The following SYNE2 variants were observed in gnomAD, a reference collection of about 807,000 sequenced individuals.
SYNE2 encodes nesprin-2.
In SYNE2, 431 loss-of-function variants were observed where a neutral mutation model predicts 856.3. The observed-to-expected ratio is 0.50, with a 90% CI of 0.47 to 0.55. The LOEUF (loss-of-function observed/expected upper bound fraction) is 0.55, where lower values mean the gene tolerates loss of function less well. Among genes scored for constraint, SYNE2 ranks in the 20% least tolerant of loss-of-function variants. The pLI, the probability that SYNE2 is intolerant of heterozygous loss-of-function variation, is 0.00. For synonymous variants in SYNE2, 2,923 were observed against 2,872.3 expected (o/e 1.02, Z -0.56); for missense variants, 8,129 against 8,023.2 (o/e 1.01, Z -0.50).
At chr14:64,219,448 T>C (rs753307469) in intron 110 of SYNE2, 38 bp downstream of exon 110, 2 of 1,602,564 alleles carry the variant, frequency 1.2e-6, no homozygotes, top group Non-Finnish European at 1.7e-6. Context: ...GGATTCAGAA[T>C]GTGCATGTGA....
At chr14:63,806,979 TG>T (rs1442802125) in intron 1 of SYNE2, among the ~76,000 whole-genome samples, 4 of 152,034 alleles carry the variant, frequency 2.6e-5, no homozygotes, top group African/African-American at 9.7e-5. Flanking sequence ...CCCCTCAAAC[TG>T]CTAGGATTAC....
At chr14:63,796,468 T>C (rs1283147397) in intron 1 of SYNE2, among the ~76,000 whole-genome samples, 2 of 151,078 alleles carry the variant, frequency 1.3e-5, no homozygotes, top group Non-Finnish European at 3.0e-5. Flanking sequence ...AAAAAAATTT[T>C]TGTTTTGATG....
At chr14:64,015,000 AATAT>A (rs1328895277) in intron 32 of SYNE2, among the ~76,000 whole-genome samples, 64 of 121,760 alleles carry the variant, frequency 5.3e-4, no homozygotes, top group South Asian at 1.8e-3. Flanking sequence ...CACATATATA[AATAT>A]ATATATGTGT....
At chr14:64,198,116 C>T (rs1312732990) in intron 99 of SYNE2, among the ~76,000 whole-genome samples, 1 of 152,048 alleles carries the variant, frequency 6.6e-6, no homozygotes, top group African/African-American at 2.4e-5. Flanking sequence ...CTGCTTTTTC[C>T]TGGAGAAAGG....
chr14:64,168,352 C>T (rs1012819485), intron 92 of SYNE2, among the ~76,000 whole-genome samples: 1 of 152,172 alleles, frequency 6.6e-6, no homozygotes, highest in Non-Finnish European at 1.5e-5. Context: ...ATCCGCCTGC[C>T]TCGGCCTCCC....
At chr14:64,208,623 A>C in intron 100 of SYNE2, 135 bp from the exon 101 acceptor site, 2 of 881,906 alleles carry the variant, frequency 2.3e-6, no homozygotes, top group South Asian at 2.8e-5. Flanking sequence ...TGTACTGCCA[A>C]GTTCATGGTG....
intron 98 of SYNE2, chr14:64,189,140 C>G (rs961580547): frequency 1.7e-6 from 1 of 601,208 alleles, no homozygotes; most frequent in African/African-American, 1.9e-5. Context: ...TCAAGACCAG[C>G]CTGGCTGACA....
chr14:64,155,197 A>C (rs143797482), intron 85 of SYNE2, among the ~76,000 whole-genome samples: 23 of 152,354 alleles, frequency 1.5e-4, no homozygotes, highest in African/African-American at 5.0e-4. Flanking sequence ...CATGATAGCC[A>C]GAAAGTGTAA....
chr14:63,818,024 C>CAAAAAAAAAAAAAAAAAAAAAAA (rs34186501), intron 1 of SYNE2, among the ~76,000 whole-genome samples: 2 of 64,772 alleles, frequency 3.1e-5, no homozygotes, highest in East Asian at 5.1e-4. Context: ...GACCCTTTCT[C>CAAAAAAAAAAAAAAAAAAAAAAA]AAAAAAAAAA....
At position 64,203,042 on chromosome 14, in the gene SYNE2, A is replaced by G. The variant is rs1268607694; in HGVS notation, c.18201+79A>G. 32 of 1,553,332 alleles carry G rather than the reference A, an allele frequency of 2.1e-5. No homozygotes were observed. The South Asian group carries it at 2.8e-4, about 14-fold the overall frequency. On this transcript the variant is annotated intron_variant, in intron 100 of 115. Coordinates refer to ENST00000555002, the MANE Select transcript of SYNE2 (RefSeq NM_182914.3). ...TGACTGAGGCCTTCCCCGTATATCT[A>G]TGTGTTTTCACGTGCTCACATTCCA...
chr14:64,181,102 T>G (rs2098455895), intron 96 of SYNE2, among the ~76,000 whole-genome samples: 1 of 151,198 alleles, frequency 6.6e-6, no homozygotes, highest in African/African-American at 2.4e-5. Flanking sequence ...TTAATATACT[T>G]TTTTTTTTCC....
rs553823842 is a variant in SYNE2, at chr14:63,826,651, G to A, written c.-304-25850G>A. Among the ~76,000 whole-genome samples, 24 of 152,004 alleles carry A rather than the reference G, an allele frequency of 1.6e-4. No homozygotes were observed. In the East Asian group the frequency reaches 3.5e-3, roughly 22 times the overall value. ...CTGGGACAACATGATATCCACATGC[G>A]CAAGAATGACACCTACAAACATGAA... On this transcript the variant is annotated intron_variant, in intron 1 of 23. Coordinates refer to the SYNE2 transcript ENST00000674003.
intron 1 of SYNE2, among the ~76,000 whole-genome samples, chr14:63,814,238 CCA>C (rs1332020112): frequency 6.6e-6 from 1 of 151,608 alleles, no homozygotes; most frequent in Non-Finnish European, 1.5e-5. Context: ...CCACTGCACT[CCA>C]GTCTGGGCCA....
rs376819071 is a variant in SYNE2, at chr14:64,052,782, G to A, written c.8869G>A (p.Glu2957Lys). The A allele has an allele frequency of 2.2e-5, 35 of 1,612,504 alleles. No homozygotes were observed. The highest frequency in any genetic ancestry group is 2.7e-5 in the Non-Finnish European group (32 of 1,179,356). Residue 2957 changes from glutamate (E) to lysine (K), a missense_variant, in exon 48 of 116, where the codon GAG becomes AAG. By Grantham distance (56) the Glu-to-Lys change is moderately conservative. This residue lies in a region of SYNE2 where 5,410 missense variants were observed against 5,284.8 expected (regional missense o/e 1.02). Transcript: ENST00000555002. ...CCATGAAAAAACATCAGCGCTTCAG[G>A]AGGAGGCTGACAGTATACAGCGCAA... is the stretch of plus-strand genomic sequence containing the variant. ...QFHEKTSALQ[E>K]EADSIQRNEL...
Position 63,926,600 on chromosome 14 carries a change from G to A in SYNE2, c.80-14014G>A, listed in dbSNP as rs147064078. 1.7e-3 allele frequency among the ~76,000 whole-genome samples: 266 copies of A among 152,304 alleles called. 1 individual carries two copies. Among genetic ancestry groups the A allele is most frequent in the African/African-American group, 6.1e-3 (253 of 41,558 alleles). On this transcript the variant is annotated intron_variant, in intron 2 of 115. Coordinates refer to ENST00000555002, the MANE Select transcript of SYNE2 (RefSeq NM_182914.3). ...CTGTATTTACAAAAGCAAGCAGCAG[G>A]TCAAATTTGGCTTGTGGGCAATAGT...
chr14:63,794,948 T>G (rs1344797965), intron 1 of SYNE2, among the ~76,000 whole-genome samples: 3 of 152,208 alleles, frequency 2.0e-5, no homozygotes, highest in Admixed American at 2.0e-4. Context: ...CACAAACACT[T>G]GTATGTGAAC....
At chr14:63,869,362 A>G (rs1896257582) in intron 1 of SYNE2, among the ~76,000 whole-genome samples, 1 of 152,142 alleles carries the variant, frequency 6.6e-6, no homozygotes, top group Non-Finnish European at 1.5e-5. Context: ...ATGGTGGCTC[A>G]TGTCTGTAAT....
intron 16 of SYNE2, 97 bp from the exon 17 acceptor site, chr14:63,982,533 A>G (rs553658022): frequency 6.5e-5 from 78 of 1,204,288 alleles, no homozygotes; most frequent in African/African-American, 2.5e-4. Flanking sequence ...AAAAAAAAAA[A>G]AAAAGAAAAG....
intron 85 of SYNE2, among the ~76,000 whole-genome samples, chr14:64,157,346 A>G (rs1326815583): frequency 6.6e-6 from 1 of 152,242 alleles, no homozygotes; most frequent in Non-Finnish European, 1.5e-5. Context: ...CATATGCTAT[A>G]TAGCCTTTTG....
Sources: allele counts gnomAD v4.1 joint callset (sites outside exome capture counted in the v4.1 genomes callset), GRCh38; gene constraint gnomAD v4.1.1; regional missense constraint gnomAD v4.1.1; transcripts MANE v1.5; gene names NCBI Gene and HGNC (gene_info 2026-07-23, HGNC 2026-07-21).